The following ADGRL4 variants were observed in gnomAD, a reference collection of about 807,000 sequenced individuals.
The protein encoded by ADGRL4 is adhesion G protein-coupled receptor L4.
In ADGRL4, 90 loss-of-function variants were observed where a neutral mutation model predicts 74.8. That is an observed-to-expected ratio of 1.20 (90% CI 1.02 to 1.43). ADGRL4 has a LOEUF of 1.43. Among genes scored for constraint, ADGRL4 ranks in the 40% most tolerant of loss-of-function variants. The pLI, the probability that ADGRL4 is intolerant of heterozygous loss-of-function variation, is 0.00. For missense variants in ADGRL4, 881 were observed against 814.3 expected (o/e 1.08, Z -1.00); for synonymous variants, 311 against 279.2 (o/e 1.11, Z -1.14).
chr1:78,922,710 T>A (rs1254838166), intron 8 of ADGRL4, among the ~76,000 whole-genome samples: 1 of 152,026 alleles, frequency 6.6e-6, no homozygotes, highest in Non-Finnish European at 1.5e-5. Flanking sequence ...TTCTCTGAGA[T>A]AAATGCTATA....
intron 2 of ADGRL4, among the ~76,000 whole-genome samples, chr1:78,958,189 T>C (rs1371697056): frequency 1.3e-5 from 2 of 152,214 alleles, no homozygotes; most frequent in Non-Finnish European, 2.9e-5. Flanking sequence ...CTGATGGAGA[T>C]GTCCCAGAAA....
intron 7 of ADGRL4, among the ~76,000 whole-genome samples, chr1:78,930,875 T>C (rs1410621957): frequency 1.3e-5 from 2 of 151,470 alleles, no homozygotes; most frequent in Non-Finnish European, 2.9e-5. Context: ...GGATATTCAG[T>C]TATTTAATCA....
intron 2 of ADGRL4, among the ~76,000 whole-genome samples, chr1:78,948,236 C>A (rs1649650170): frequency 1.3e-5 from 2 of 152,088 alleles, no homozygotes; most frequent in African/African-American, 4.8e-5. Context: ...AAGGGAAGAA[C>A]TTTGAGCTTC....
intron 2 of ADGRL4, among the ~76,000 whole-genome samples, chr1:78,947,260 T>C (rs1171851942): frequency 1.3e-5 from 2 of 152,168 alleles, no homozygotes; most frequent in Admixed American, 6.5e-5. Context: ...GCCCTTTGGA[T>C]ATGTTATTAA....
chr1:78,931,873 A>G (rs1649249530), intron 7 of ADGRL4, among the ~76,000 whole-genome samples: 1 of 151,538 alleles, frequency 6.6e-6, no homozygotes, highest in Non-Finnish European at 1.5e-5. Context: ...AGTCAACCAG[A>G]AGAGCTAATT....
chr1:78,951,976 G>A lies in ADGRL4; in HGVS notation c.173-5550C>T, dbSNP rs140448294. On this transcript the variant is annotated intron_variant, in intron 2 of 14. Transcript: ENST00000370742. ...ATTATGTTATCTTCTTTGTATAATA[G>A]GACAGAAGCTTATTTGCTTTATAAG... is the stretch of plus-strand genomic sequence containing the variant. Among the ~76,000 whole-genome samples, 112 of 152,016 alleles carry A rather than the reference G, an allele frequency of 7.4e-4. 2 individuals are homozygous for A. The East Asian group carries it at 0.018, about 25-fold the overall frequency.
rs111514615 is a variant in ADGRL4, at chr1:78,944,339, T to C, written c.325+1935A>G. Among the ~76,000 whole-genome samples the C allele has an allele frequency of 1.2e-4, 18 of 152,312 alleles. 1 individual carries two copies. The highest frequency in any genetic ancestry group is 4.3e-4 in the African/African-American group (18 of 41,574). On this transcript the variant is annotated intron_variant, in intron 3 of 14. Coordinates refer to ENST00000370742, the MANE Select transcript of ADGRL4 (RefSeq NM_022159.4). ...ACATTTCCACTAAAGCTTGCAGGGC[T>C]GCATATTAGAACTGAACTACCAAAG... is the stretch of plus-strand genomic sequence containing the variant.
chr1:78,962,034 T>C (rs929973368), intron 2 of ADGRL4, among the ~76,000 whole-genome samples: 1 of 152,014 alleles, frequency 6.6e-6, no homozygotes, highest in Admixed American at 6.6e-5. Flanking sequence ...GCATGCGCCA[T>C]CACACCTGGC....
intron 13 of ADGRL4, among the ~76,000 whole-genome samples, chr1:78,892,448 A>G (rs1347468077): frequency 3.9e-5 from 6 of 152,152 alleles, no homozygotes; most frequent in Non-Finnish European, 8.8e-5. Context: ...GTCATTCTTT[A>G]TTGCAGCAGA....
At chr1:78,920,483 T>A in intron 9 of ADGRL4, 97 bp from the exon 10 acceptor site, 1 of 711,074 alleles carries the variant, frequency 1.4e-6, no homozygotes, top group Non-Finnish European at 2.2e-6. Context: ...GGTGAAACAT[T>A]AATCAAAATG....
intron 2 of ADGRL4, 134 bp downstream of exon 2, chr1:79,004,936 C>G: frequency 1.5e-6 from 1 of 677,414 alleles, no homozygotes; most frequent in Non-Finnish European, 2.3e-6. Context: ...TGTTTAGCTA[C>G]TTACGCGTTT....
intron 2 of ADGRL4, among the ~76,000 whole-genome samples, chr1:78,956,181 G>T (rs542233885): frequency 6.6e-6 from 1 of 152,210 alleles, no homozygotes; most frequent in East Asian, 1.9e-4. Flanking sequence ...GCAGGACTTT[G>T]TCTTCATTTT....
In ADGRL4 at chr1:78,893,092, A is replaced by G; in HGVS notation, c.1841+6T>C. The G allele has an allele frequency of 2.0e-6, 3 of 1,519,624 alleles. No homozygotes were observed. The highest frequency in any genetic ancestry group is 1.4e-5 in the African/African-American group (1 of 70,358). 94.1% of individuals were successfully genotyped at this position (1,519,624 alleles called of 1,614,324 possible). A position where few individuals can be genotyped will look rare whatever the true frequency, so the allele number is the denominator to read the frequency against. On this transcript the variant is annotated splice_donor_region_variant and intron_variant, in intron 13 of 14. Coordinates refer to ENST00000370742, the MANE Select transcript of ADGRL4 (RefSeq NM_022159.4). ...AAAAAAAAAGTGAACTTAAAGACGC[A>G]TTTACCTTATGTTCTCAAAGCAACT...
At chr1:78,936,123 C>A (rs1253242581) in intron 7 of ADGRL4, among the ~76,000 whole-genome samples, 172 bp downstream of exon 7, 54 of 19,330 alleles carry the variant, frequency 2.8e-3, no homozygotes, top group Middle Eastern at 0.071. Flanking sequence ...GACTCCGTCT[C>A]AAAAAAAAAA....
intron 12 of ADGRL4, among the ~76,000 whole-genome samples, chr1:78,908,560 C>A (rs1270935008): frequency 6.6e-6 from 1 of 151,926 alleles, no homozygotes; most frequent in Non-Finnish European, 1.5e-5. Context: ...ATTACAGAAG[C>A]TTCCATTAGG....
intron 2 of ADGRL4, among the ~76,000 whole-genome samples, chr1:79,001,447 A>G (rs1166070751): frequency 6.6e-6 from 1 of 152,126 alleles, no homozygotes; most frequent in East Asian, 1.9e-4. Context: ...AGAAAGAAAG[A>G]AAAACAAAAT....
intron 2 of ADGRL4, among the ~76,000 whole-genome samples, chr1:78,974,216 TAATAATTGCCTAC>T (rs1286332568): frequency 6.6e-6 from 1 of 152,164 alleles, no homozygotes; most frequent in Non-Finnish European, 1.5e-5. Flanking sequence ...TTAAATTATT[TAATAATTGCCTAC>T]AAAGATGGGA....
chr1:78,893,081 C>G lies in ADGRL4; in HGVS notation c.1841+17G>C. The G allele has an allele frequency of 4.4e-6, 5 of 1,126,060 alleles. No individual in the cohort carries two copies. Among genetic ancestry groups the G allele is most frequent in the Non-Finnish European group, 6.1e-6 (5 of 821,472 alleles). The allele number at this position is 1,126,060 out of a possible 1,614,324, so 69.8% of individuals were successfully genotyped here. On this transcript the variant is annotated intron_variant, in intron 13 of 14. Coordinates refer to ENST00000370742, the MANE Select transcript of ADGRL4 (RefSeq NM_022159.4). ...ACCAAAAAAAAAAAAAAAAAGTGAACTTAAAGACGCATTTACCTTATGTTC... is the reference window on the plus strand; with the variant it reads ...ACCAAAAAAAAAAAAAAAAAGTGAAGTTAAAGACGCATTTACCTTATGTTC...
chr1:78,923,761 A>T (rs1649050097), intron 8 of ADGRL4, among the ~76,000 whole-genome samples: 2 of 151,920 alleles, frequency 1.3e-5, no homozygotes, highest in African/African-American at 2.4e-5. Context: ...ATAAAGTATA[A>T]AGTAAAAATA....
Sources: gnomAD v4.1 joint callset for allele counts (sites outside exome capture counted in the v4.1 genomes callset) on GRCh38, gnomAD v4.1.1 for gene constraint, MANE v1.5 for transcripts, NCBI Gene and HGNC (gene_info 2026-07-23, HGNC 2026-07-21) for gene names.